FBXL20: variants seen among roughly 807,000 people sequenced by gnomAD.
FBXL20 encodes F-box/LRR-repeat protein 20.
In FBXL20, 11 loss-of-function variants were observed where a neutral mutation model predicts 64.0. That is an observed-to-expected ratio of 0.17 (90% CI 0.11 to 0.28). FBXL20 has a LOEUF of 0.28. Ranked by LOEUF, FBXL20 falls within the 10% of genes least tolerant of loss-of-function variation. The pLI is 1.00. For missense variants in FBXL20, 303 were observed against 526.2 expected (o/e 0.58, Z 4.15); for synonymous variants, 184 against 189.0 (o/e 0.97, Z 0.22).
rs578062130 is a variant in FBXL20 at position 39,259,226 on chromosome 17, G to A, written c.*2234C>T. ...CACCTGTAGTCCCAGCTACTTGGGA[G>A]GCTGAGGTGGGAGGAAGGCTTGAGC... On this transcript the variant is annotated 3_prime_UTR_variant, in exon 15 of 15. Coordinates refer to ENST00000264658, the MANE Select transcript of FBXL20 (RefSeq NM_032875.3). 6.6e-6 allele frequency: 1 copy of A among 152,234 alleles called. No homozygotes were observed. Among genetic ancestry groups the A allele is most frequent in the South Asian group, 2.1e-4 (1 of 4,830 alleles). 9.4% of individuals were successfully genotyped at this position (152,234 alleles called of 1,614,324 possible). A position where few individuals can be genotyped will look rare whatever the true frequency, so the allele number is the denominator to read the frequency against.
chr17:39,273,765 A>G (rs917362169), intron 10 of FBXL20, among the ~76,000 whole-genome samples: 17 of 150,460 alleles, frequency 1.1e-4, no homozygotes, highest in Admixed American at 8.7e-4. Context: ...GGTTGCAGTG[A>G]GCCGAGATCG....
At chr17:39,398,239 C>G (rs961391757) in intron 1 of FBXL20, among the ~76,000 whole-genome samples, 4 of 152,020 alleles carry the variant, frequency 2.6e-5, no homozygotes, top group African/African-American at 9.7e-5. Context: ...GAGATCGCAC[C>G]ATTGCACTCC....
rs529406292 is a variant in FBXL20, at chr17:39,394,278, CT to C, written c.42+7082del. On this transcript the variant is annotated intron_variant, in intron 1 of 14. Coordinates refer to ENST00000264658, the MANE Select transcript of FBXL20 (RefSeq NM_032875.3). ...CACAGTACTAGTTAGATTACTGAAA[CT>C]TTTTTTTTTTTTTTTTTGAGACAGA... is the stretch of plus-strand genomic sequence containing the variant. Among the ~76,000 whole-genome samples the C allele has an allele frequency of 7.9e-3, 1,060 of 134,260 alleles. 2 individuals are homozygous for C. Among genetic ancestry groups the C allele is most frequent in the Non-Finnish European group, 0.012 (755 of 63,022 alleles). The allele number at this position is 134,260 out of a possible 152,430, so 88.1% of individuals were successfully genotyped here. A position where few individuals can be genotyped will look rare whatever the true frequency, so the allele number is the denominator to read the frequency against.
chr17:39,326,198 AC>A (rs1364091039), intron 2 of FBXL20, among the ~76,000 whole-genome samples: 1 of 151,380 alleles, frequency 6.6e-6, no homozygotes, highest in Admixed American at 6.6e-5. Flanking sequence ...GCAGAATCAT[AC>A]GCCAAAAAAA....
At chr17:39,301,504 G>C (rs1180333174) in intron 3 of FBXL20, among the ~76,000 whole-genome samples, 3 of 152,006 alleles carry the variant, frequency 2.0e-5, no homozygotes, top group Admixed American at 2.0e-4. Context: ...GAGGCAGGCG[G>C]ATCACCTGAG....
At chr17:39,268,732 A>G in intron 12 of FBXL20, 95 bp downstream of exon 12, 1 of 1,055,086 alleles carries the variant, frequency 9.5e-7, no homozygotes, top group South Asian at 1.4e-5. Context: ...GCACTACAGT[A>G]TCCTACACTA....
intron 1 of FBXL20, among the ~76,000 whole-genome samples, chr17:39,367,477 C>A (rs566636172): frequency 6.6e-6 from 1 of 151,754 alleles, no homozygotes; most frequent in Admixed American, 6.6e-5. Flanking sequence ...CCACCACACC[C>A]AGCTAATTTT....
intron 6 of FBXL20, among the ~76,000 whole-genome samples, chr17:39,294,413 T>C (rs638201): frequency 0.38 from 57,946 of 151,614 alleles, 14,263 homozygotes; most frequent in African/African-American, 0.7. Flanking sequence ...CCAAGTAGCT[T>C]GGACTACAGG....
intron 10 of FBXL20, among the ~76,000 whole-genome samples, chr17:39,272,701 CAAAAAAAAAAA>C (rs56138431): frequency 2.0e-5 from 2 of 98,880 alleles, no homozygotes; most frequent in African/African-American, 3.7e-5. Flanking sequence ...AACTCTATCT[CAAAAAAAAAAA>C]AAAAAAAAAG....
chr17:39,341,534 G>A (rs998661608), intron 2 of FBXL20, among the ~76,000 whole-genome samples: 10 of 152,134 alleles, frequency 6.6e-5, no homozygotes, highest in Non-Finnish European at 8.8e-5. Context: ...AGTACAGGCC[G>A]AATTAAGGAG....
chr17:39,402,180 T>C, upstream of FBXL20: 1 of 1,232,708 alleles, frequency 8.1e-7, no homozygotes, highest in Non-Finnish European at 1.0e-6. Flanking sequence ...CACTGTCGCC[T>C]TGAACCCAAA....
At chr17:39,379,207 G>T (rs906658816) in intron 1 of FBXL20, among the ~76,000 whole-genome samples, 1 of 149,650 alleles carries the variant, frequency 6.7e-6, no homozygotes, top group Non-Finnish European at 1.5e-5. Context: ...GTGAAACTCC[G>T]TCTCAAAAAA....
intron 3 of FBXL20, 108 bp downstream of exon 3, chr17:39,303,477 C>T: frequency 2.2e-6 from 2 of 900,904 alleles, no homozygotes; most frequent in Non-Finnish European, 3.3e-6. Flanking sequence ...TCCTTTAAAA[C>T]ATGAAAACAT....
intron 2 of FBXL20, among the ~76,000 whole-genome samples, chr17:39,339,241 T>C (rs1288402641): frequency 7.4e-6 from 1 of 134,446 alleles, no homozygotes; most frequent in Non-Finnish European, 1.6e-5. Flanking sequence ...ATAAAAAAAA[T>C]AAGAAAATTA....
rs772553517 is a variant in FBXL20 at position 39,401,411 on chromosome 17, C to T, written c.-9G>A. On this transcript the variant is annotated 5_prime_UTR_variant, in exon 1 of 15. Transcript: ENST00000264658. ...TTCACGTCCCTCCTCATGGGGCCGG[C>T]GGGTGCGGCCCGGGCCGGGCGCTGC... is the stretch of plus-strand genomic sequence containing the variant. The T allele has an allele frequency of 3.1e-6, 5 of 1,599,340 alleles. No homozygotes were observed. In the South Asian group the frequency reaches 5.6e-5, roughly 18 times the overall value.
chr17:39,394,822 G>A (rs1023316350), intron 1 of FBXL20, among the ~76,000 whole-genome samples: 12 of 152,040 alleles, frequency 7.9e-5, no homozygotes, highest in African/African-American at 2.7e-4. Flanking sequence ...GCCTCCCAAA[G>A]TGCTGGGATT....
At chr17:39,319,215 C>T (rs552921946) in intron 2 of FBXL20, among the ~76,000 whole-genome samples, 4 of 151,986 alleles carry the variant, frequency 2.6e-5, no homozygotes, top group South Asian at 2.1e-4. Flanking sequence ...CATCACTGCA[C>T]TCCAGCCTGG....
intron 1 of FBXL20, among the ~76,000 whole-genome samples, chr17:39,350,511 AAAG>A (rs1349919818): frequency 7.1e-6 from 1 of 140,582 alleles, no homozygotes; most frequent in Non-Finnish European, 1.5e-5. Context: ...AAAAACAAAA[AAAG>A]AAGCAAAAAA....
intron 11 of FBXL20, among the ~76,000 whole-genome samples, 164 bp from the exon 12 acceptor site, chr17:39,269,035 G>C (rs2046816771): frequency 6.6e-6 from 1 of 151,846 alleles, no homozygotes; most frequent in African/African-American, 2.4e-5. Context: ...TTTGAGACAA[G>C]GTCTCACTCT....
Sources: allele counts gnomAD v4.1 joint callset (sites outside exome capture counted in the v4.1 genomes callset), GRCh38; gene constraint gnomAD v4.1.1; transcripts MANE v1.5; gene names NCBI Gene and HGNC (gene_info 2026-07-23, HGNC 2026-07-21).